Variants in SH3RF3 observed in about 807,000 individuals in gnomAD.
SH3RF3 encodes SH3 domain containing ring finger 3.
In SH3RF3, 29 loss-of-function variants were observed where a neutral mutation model predicts 66.3. The observed-to-expected ratio is 0.44, with a 90% CI of 0.33 to 0.60. The LOEUF is 0.60. SH3RF3 is among the 20% of genes least tolerant of loss of function. The pLI is 0.04. For synonymous variants in SH3RF3, 583 were observed against 532.0 expected, an observed-to-expected ratio of 1.10 and a Z score of -1.32; for missense variants, 1,194 against 1,190.9, an observed-to-expected ratio of 1.00 and a Z score of -0.04.
At chr2:109,347,503 A>G (rs1441439934) in intron 1 of SH3RF3, among the ~76,000 whole-genome samples, 171 bp from the exon 2 acceptor site, 1 of 151,976 alleles carries the variant, frequency 6.6e-6, no homozygotes, top group Non-Finnish European at 1.5e-5. Flanking sequence ...CAGAATGTGC[A>G]TGTTCCTGTG....
At chr2:109,410,831 G>T (rs1481168133) in intron 4 of SH3RF3, among the ~76,000 whole-genome samples, 1 of 143,802 alleles carries the variant, frequency 7.0e-6, no homozygotes, top group Non-Finnish European at 1.5e-5. Context: ...GCTGCACTTG[G>T]CTTTGAAGTC....
chr2:109,293,769 C>T (rs1307145267), intron 1 of SH3RF3, among the ~76,000 whole-genome samples: 14 of 152,170 alleles, frequency 9.2e-5, no homozygotes, highest in Admixed American at 9.2e-4. Context: ...CAGGGTGCAC[C>T]CTCTCCCAGC....
At chr2:109,217,018 G>A (rs1285915316) in intron 1 of SH3RF3, among the ~76,000 whole-genome samples, 2 of 152,132 alleles carry the variant, frequency 1.3e-5, no homozygotes, top group Admixed American at 6.5e-5. Context: ...GATTTAAGTG[G>A]AATTACACAG....
Position 109,286,610 on chromosome 2 carries a change from G to A in SH3RF3, c.574-61064G>A, listed in dbSNP as rs561901190. Among the ~76,000 whole-genome samples, 8 of 152,288 alleles carry A rather than the reference G, an allele frequency of 5.3e-5. No homozygotes were observed. The South Asian group carries it at 1.5e-3, about 28-fold the overall frequency. On this transcript the variant is annotated intron_variant, in intron 1 of 9. Transcript: ENST00000309415. Reference sequence around the variant, plus strand: ...CCTTCTGGATTGGCACATGGTGAGGGGAGCTTCCACACCCATGATTCTAAA... The same window carrying A: ...CCTTCTGGATTGGCACATGGTGAGGAGAGCTTCCACACCCATGATTCTAAA...
chr2:109,161,506 C>T (rs963991933), intron 1 of SH3RF3, among the ~76,000 whole-genome samples: 1 of 151,256 alleles, frequency 6.6e-6, no homozygotes, highest in African/African-American at 2.5e-5. Flanking sequence ...TATCGTAAGG[C>T]GATGTTTCCT....
At chr2:109,436,815 C>T (rs545830651) in intron 6 of SH3RF3, 78 bp from the exon 7 acceptor site, 13 of 1,530,522 alleles carry the variant, frequency 8.5e-6, no homozygotes, top group Middle Eastern at 1.7e-4. Flanking sequence ...CAGGTCAGAG[C>T]GAGGCTCTGC....
chr2:109,166,919 T>A (rs1479683442), intron 1 of SH3RF3, among the ~76,000 whole-genome samples: 1 of 152,262 alleles, frequency 6.6e-6, no homozygotes, highest in Non-Finnish European at 1.5e-5. Context: ...TTACTGTGTT[T>A]ATGCATGCAA....
intron 1 of SH3RF3, among the ~76,000 whole-genome samples, chr2:109,307,091 A>G (rs1338795678): frequency 2.0e-5 from 3 of 152,226 alleles, no homozygotes; most frequent in Non-Finnish European, 4.4e-5. Flanking sequence ...ATCAACAGAC[A>G]TTCTTTATTT....
chr2:109,269,336 C>T (rs537239545), intron 1 of SH3RF3, among the ~76,000 whole-genome samples: 3 of 152,312 alleles, frequency 2.0e-5, no homozygotes, highest in Admixed American at 6.5e-5. Flanking sequence ...GCCTTCCCCC[C>T]GGGAGAACAG....
chr2:109,293,767 A>G (rs1030148925), intron 1 of SH3RF3, among the ~76,000 whole-genome samples: 1 of 152,170 alleles, frequency 6.6e-6, no homozygotes, highest in Non-Finnish European at 1.5e-5. Flanking sequence ...AACAGGGTGC[A>G]CCCTCTCCCA....
intron 1 of SH3RF3, among the ~76,000 whole-genome samples, chr2:109,245,368 A>G (rs1679890201): frequency 2.0e-5 from 3 of 151,814 alleles, no homozygotes; most frequent in Non-Finnish European, 4.4e-5. Context: ...CTGTAACTGG[A>G]ATTCCCTCTT....
chr2:109,374,779 C>T (rs76320759), intron 3 of SH3RF3, among the ~76,000 whole-genome samples: 1 of 152,358 alleles, frequency 6.6e-6, no homozygotes, highest in East Asian at 1.9e-4. Flanking sequence ...GGGTTCTACC[C>T]AGCGCACAGC....
At chr2:109,386,988 A>G (rs1474338314) in intron 3 of SH3RF3, among the ~76,000 whole-genome samples, 1 of 152,202 alleles carries the variant, frequency 6.6e-6, no homozygotes, top group Non-Finnish European at 1.5e-5. Context: ...TATAAAAATA[A>G]TACCTGGCTA....
At chr2:109,285,822 C>T (rs1342666644) in intron 1 of SH3RF3, among the ~76,000 whole-genome samples, 1 of 152,228 alleles carries the variant, frequency 6.6e-6, no homozygotes, top group Non-Finnish European at 1.5e-5. Flanking sequence ...CAGTCCTGGC[C>T]TTGTTGGCTT....
Position 109,501,812 on chromosome 2 carries a change from G to C in SH3RF3, c.*141G>C. 2 of 609,346 alleles carry C rather than the reference G, an allele frequency of 3.3e-6. No homozygotes were observed. Among genetic ancestry groups the C allele is most frequent in the Non-Finnish European group, 5.9e-6 (2 of 341,510 alleles). The allele number at this position is 609,346 out of a possible 1,614,324, so 37.7% of individuals were successfully genotyped here. A position where few individuals can be genotyped will look rare whatever the true frequency, so the allele number is the denominator to read the frequency against. Reference sequence around the variant, plus strand: ...GGCGGGGGATACCCTGGCCCAGGGTGGGGGCCAGGGACTGTGGAGGTCGTG... The same window carrying C: ...GGCGGGGGATACCCTGGCCCAGGGTCGGGGCCAGGGACTGTGGAGGTCGTG... On this transcript the variant is annotated 3_prime_UTR_variant, in exon 10 of 10. Coordinates refer to ENST00000309415, the MANE Select transcript of SH3RF3 (RefSeq NM_001099289.3).
At chr2:109,164,748 A>T (rs1469691236) in intron 1 of SH3RF3, among the ~76,000 whole-genome samples, 1 of 152,144 alleles carries the variant, frequency 6.6e-6, no homozygotes, top group Non-Finnish European at 1.5e-5. Context: ...GGCTTGCAGA[A>T]CCTCTGCAAT....
intron 1 of SH3RF3, among the ~76,000 whole-genome samples, chr2:109,262,410 C>A (rs10496428): frequency 0.25 from 38,464 of 152,016 alleles, 5,288 homozygotes; most frequent in East Asian, 0.46. Context: ...TCAAACTCTG[C>A]TTTCGATGCC....
intron 8 of SH3RF3, among the ~76,000 whole-genome samples, chr2:109,453,120 A>C (rs527984122): frequency 3.5e-4 from 53 of 152,156 alleles, no homozygotes; most frequent in Non-Finnish European, 6.8e-4. Context: ...GGATAATACA[A>C]GTGCAGACAG....
intron 8 of SH3RF3, among the ~76,000 whole-genome samples, chr2:109,473,912 G>A (rs1405137697): frequency 6.6e-6 from 1 of 152,198 alleles, no homozygotes; most frequent in African/African-American, 2.4e-5. Context: ...CAGCAGTGCT[G>A]TCATTACCCC....
Sources: allele counts gnomAD v4.1 joint callset (sites outside exome capture counted in the v4.1 genomes callset), GRCh38; gene constraint gnomAD v4.1.1; transcripts MANE v1.5; gene names NCBI Gene and HGNC (gene_info 2026-07-23, HGNC 2026-07-21).